The following GAS7 variants were observed in gnomAD, a reference collection of about 807,000 sequenced individuals.
GAS7 encodes the protein growth arrest-specific protein 7.
GAS7 carries 28 observed loss-of-function variants against 71.1 expected under a neutral mutation model. The ratio of observed to expected loss-of-function variants is 0.39; its 90% confidence interval spans 0.29 to 0.54. GAS7 has a LOEUF of 0.54. Among genes scored for constraint, GAS7 ranks in the 20% least tolerant of loss-of-function variants. The pLI is 0.62. For synonymous variants in GAS7, 258 were observed against 245.8 expected (o/e 1.05, Z -0.46); for missense variants, 436 against 627.8 (o/e 0.69, Z 3.27).
In GAS7 at chr17:10,013,195, A is replaced by G. The variant is rs985087772; in HGVS notation, c.304+6582T>C. On this transcript the variant is annotated intron_variant, in intron 2 of 13. Transcript: ENST00000432992. ...CAGAATGCAGCTGTTCTTATGAACC[A>G]GAAAGCAGGCCCACACCCGACACCA... Among the ~76,000 whole-genome samples the G allele has an allele frequency of 9.2e-5, 14 of 152,224 alleles. 2 individuals are homozygous for G. The highest frequency in any genetic ancestry group is 3.9e-4 in the East Asian group (2 of 5,186).
chr17:10,137,243 C>A (rs556973202), intron 1 of GAS7, among the ~76,000 whole-genome samples: 1 of 152,234 alleles, frequency 6.6e-6, no homozygotes, highest in South Asian at 2.1e-4. Context: ...CTGCCTGGAA[C>A]CTTCTTCCCC....
chr17:10,165,511 T>C (rs2074287753), intron 1 of GAS7, among the ~76,000 whole-genome samples: 1 of 152,206 alleles, frequency 6.6e-6, no homozygotes, highest in African/African-American at 2.4e-5. Context: ...CAATGCCTTT[T>C]ATGCATCAAT....
chr17:10,019,881 G>A lies in GAS7; in HGVS notation c.200C>T (p.Pro67Leu), dbSNP rs1165134674. 1.2e-6 allele frequency: 2 copies of A among 1,613,896 alleles called. No homozygotes were observed. Among genetic ancestry groups the A allele is most frequent in the Admixed American group, 1.7e-5 (1 of 60,010 alleles). Residue 67 changes from proline (P) to leucine (L), a missense_variant, in exon 2 of 14, where the codon CCC becomes CTC. Pro to Leu is a moderately conservative substitution (Grantham distance 98). Coordinates refer to ENST00000432992, the MANE Select transcript of GAS7 (RefSeq NM_201433.2). ...CTGGCTTTCTTCTCCCGGCGGAGGG[G>A]GGACCATTCCAGGCTTCTGTTGGAG... Reference protein sequence around the residue: ...VQLLEKPGMVPPPPGEESQTV... With the variant: ...VQLLEKPGMVLPPPGEESQTV...
In GAS7 at chr17:10,010,506, A is replaced by C. The variant is rs563071739; in HGVS notation, c.304+9271T>G. Among the ~76,000 whole-genome samples the C allele has an allele frequency of 2.0e-5, 3 of 152,274 alleles. No homozygotes were observed. The East Asian group carries it at 5.8e-4, about 29-fold the overall frequency. ...AAACTTTTTCTGTTAAGGGTCAGAG[A>C]GTAAATATTTTCACTTTGTGAGCCA... On this transcript the variant is annotated intron_variant, in intron 2 of 13. Coordinates refer to ENST00000432992, the MANE Select transcript of GAS7 (RefSeq NM_201433.2).
intron 10 of GAS7, among the ~76,000 whole-genome samples, chr17:9,926,000 G>A (rs2067987293): frequency 6.6e-6 from 1 of 152,000 alleles, no homozygotes; most frequent in Non-Finnish European, 1.5e-5. Flanking sequence ...TTCTGGAGCT[G>A]GACAAGCCTC....
chr17:10,009,139 T>C (rs186621900), intron 2 of GAS7, among the ~76,000 whole-genome samples: 1,575 of 151,172 alleles, frequency 0.01, 30 homozygotes, highest in African/African-American at 0.035. Context: ...GCTAAAACGG[T>C]GAAACCCCGT....
At chr17:10,081,157 A>G (rs1192395762) in intron 1 of GAS7, among the ~76,000 whole-genome samples, 1 of 152,110 alleles carries the variant, frequency 6.6e-6, no homozygotes, top group Non-Finnish European at 1.5e-5. Flanking sequence ...TCACCATAAG[A>G]GTTTTTTTTT....
chr17:10,023,453 CAGAT>C (rs2072346666), intron 1 of GAS7, among the ~76,000 whole-genome samples: 2 of 151,946 alleles, frequency 1.3e-5, no homozygotes, highest in African/African-American at 2.4e-5. Flanking sequence ...CCCCCATCAA[CAGAT>C]GGATGGATAG....
At chr17:10,172,533 G>A (rs535447584) in intron 1 of GAS7, among the ~76,000 whole-genome samples, 10 of 151,450 alleles carry the variant, frequency 6.6e-5, no homozygotes, top group African/African-American at 1.5e-4. Flanking sequence ...AAAAGAAGAA[G>A]AAAAAAAAAG....
intron 3 of GAS7, among the ~76,000 whole-genome samples, chr17:9,973,031 T>A (rs1253160088): frequency 1.3e-5 from 2 of 152,026 alleles, no homozygotes; most frequent in Non-Finnish European, 2.9e-5. Context: ...TAAAGGCCAA[T>A]AACATACGCC....
At chr17:10,124,583 G>A (rs1357214041) in intron 1 of GAS7, among the ~76,000 whole-genome samples, 2 of 152,208 alleles carry the variant, frequency 1.3e-5, no homozygotes, top group Non-Finnish European at 2.9e-5. Flanking sequence ...AGCGAATGGG[G>A]CACTGGATAT....
rs373270200 is a variant in GAS7 at position 9,949,044 on chromosome 17, C to T, written c.526-2061G>A. ...GCGGGGTGTGCAAGCCAGTGAGGTACCCAGGCGTCACAGAAACTGCAGCTG... is the reference window on the plus strand; with the variant it reads ...GCGGGGTGTGCAAGCCAGTGAGGTATCCAGGCGTCACAGAAACTGCAGCTG... On this transcript the variant is annotated intron_variant, in intron 5 of 13. Coordinates refer to ENST00000432992, the MANE Select transcript of GAS7 (RefSeq NM_201433.2). Among the ~76,000 whole-genome samples, 3 of 152,244 alleles carry T rather than the reference C, an allele frequency of 2.0e-5. 1 individual carries two copies. Among genetic ancestry groups the T allele is most frequent in the African/African-American group, 7.2e-5 (3 of 41,562 alleles).
intron 4 of GAS7, among the ~76,000 whole-genome samples, chr17:9,963,293 A>C (rs965909045): frequency 1.3e-5 from 2 of 152,218 alleles, no homozygotes; most frequent in African/African-American, 2.4e-5. Flanking sequence ...AGAGACAGAA[A>C]GATTAGGGGC....
At chr17:10,037,200 C>G (rs1456724487) in intron 1 of GAS7, among the ~76,000 whole-genome samples, 1 of 152,196 alleles carries the variant, frequency 6.6e-6, no homozygotes, top group Non-Finnish European at 1.5e-5. Context: ...GAGGTCTCCA[C>G]TGAAAGGGGC....
chr17:10,111,323 G>A (rs1275562826), intron 1 of GAS7, among the ~76,000 whole-genome samples: 1 of 3,676 alleles, frequency 2.7e-4, no homozygotes, highest in Non-Finnish European at 7.7e-4. Context: ...TGATGGGTAA[G>A]GAGATTGAGA....
chr17:10,132,773 T>C lies in GAS7; in HGVS notation c.183+65435A>G, dbSNP rs932271650. 1.4e-4 allele frequency among the ~76,000 whole-genome samples: 21 copies of C among 147,252 alleles called. No individual in the cohort carries two copies. The South Asian group carries it at 4.6e-3, about 32-fold the overall frequency. On this transcript the variant is annotated intron_variant, in intron 1 of 13. Coordinates refer to ENST00000432992, the MANE Select transcript of GAS7 (RefSeq NM_201433.2). ...ACCCTGTCTCAACTAAAAAAAAAAATCATTTTTAAAGCAATTTAATCTTTA... is the reference window on the plus strand; with the variant it reads ...ACCCTGTCTCAACTAAAAAAAAAAACCATTTTTAAAGCAATTTAATCTTTA...
rs759248880 is a variant in GAS7 at position 9,959,168 on chromosome 17, C to A, written c.525+34G>T. On this transcript the variant is annotated intron_variant, in intron 5 of 13. Coordinates refer to ENST00000432992, the MANE Select transcript of GAS7 (RefSeq NM_201433.2). The surrounding 1 kb of genome is among the most constrained non-coding windows in gnomAD (Gnocchi z 5.0). ...CCCAGCCAAATGCCCCAGCTCGCAG[C>A]CCACCCTGAGGGCGCCCCTCGGGAG... The A allele has an allele frequency of 6.2e-7, 1 of 1,608,370 alleles. No homozygotes were observed. The highest frequency in any genetic ancestry group is 1.1e-5 in the South Asian group (1 of 90,672).
chr17:10,182,068 C>T (rs537065595), intron 1 of GAS7, among the ~76,000 whole-genome samples: 14 of 152,312 alleles, frequency 9.2e-5, no homozygotes, highest in Non-Finnish European at 1.6e-4. Context: ...GAATAATCTC[C>T]CCCTTGTTTA....
intron 1 of GAS7, among the ~76,000 whole-genome samples, chr17:10,115,377 C>T (rs1177045872): frequency 6.6e-6 from 1 of 152,216 alleles, no homozygotes; most frequent in African/African-American, 2.4e-5. Flanking sequence ...AAGCACACTT[C>T]ATCAGCAGTC....
Sources: gnomAD v4.1 joint callset for allele counts (sites outside exome capture counted in the v4.1 genomes callset) on GRCh38, gnomAD v4.1.1 for gene constraint, Gnocchi (gnomAD v3.1) non-coding constraint, MANE v1.5 for transcripts, NCBI Gene and HGNC (gene_info 2026-07-23, HGNC 2026-07-21) for gene names.